KANK1: variants seen among roughly 807,000 people sequenced by gnomAD.
KANK1 encodes the protein KN motif and ankyrin repeat domain-containing protein 1.
Under a neutral mutation model 106.2 loss-of-function variants are expected in KANK1, and 109 were observed. The ratio of observed to expected loss-of-function variants is 1.03; its 90% CI spans 0.88 to 1.20. The LOEUF (loss-of-function observed/expected upper bound fraction) is 1.20. KANK1 is among the 50% of genes most tolerant of loss of function. The pLI, the probability that KANK1 is intolerant of heterozygous loss-of-function variation, is 0.00. For missense variants in KANK1, 2,399 were observed against 1,710.7 expected (o/e 1.40, Z -7.10); for synonymous variants, 873 against 652.2 (o/e 1.34, Z -5.16).
At chr9:488,028 C>G (rs1263935852) in intron 3 of KANK1, among the ~76,000 whole-genome samples, 3 of 152,154 alleles carry the variant, frequency 2.0e-5, no homozygotes, top group Admixed American at 6.5e-5. Flanking sequence ...CAACATAGGC[C>G]CCACCTTCCC....
chr9:619,998 G>T (rs545038375), intron 1 of KANK1, among the ~76,000 whole-genome samples: 3 of 152,202 alleles, frequency 2.0e-5, no homozygotes, highest in African/African-American at 7.2e-5. Flanking sequence ...TTAGCCTAGT[G>T]TGGTGGTGTG....
chr9:644,886 C>G (rs934973920), intron 1 of KANK1, among the ~76,000 whole-genome samples: 2 of 150,590 alleles, frequency 1.3e-5, no homozygotes, highest in Non-Finnish European at 2.9e-5. Flanking sequence ...TTCGGGAGGC[C>G]GAGGTGGGCG....
intron 2 of KANK1, among the ~76,000 whole-genome samples, chr9:471,214 C>A (rs2058014577): frequency 6.6e-6 from 1 of 152,186 alleles, no homozygotes; most frequent in African/African-American, 2.4e-5. Context: ...TTTTTCAGAG[C>A]TGGCGAAGCT....
intron 1 of KANK1, among the ~76,000 whole-genome samples, chr9:517,990 A>C (rs2059366581): frequency 6.6e-6 from 1 of 151,424 alleles, no homozygotes; most frequent in African/African-American, 2.4e-5. Flanking sequence ...CACCTGCCTC[A>C]GCCTTCCAGA....
intron 1 of KANK1, among the ~76,000 whole-genome samples, chr9:505,100 G>C (rs2058686136): frequency 6.6e-6 from 1 of 152,150 alleles, no homozygotes; most frequent in Non-Finnish European, 1.5e-5. Flanking sequence ...CGGGCCGGCC[G>C]GCGGGAGGGT....
intron 1 of KANK1, among the ~76,000 whole-genome samples, chr9:661,969 G>T (rs1185305341): frequency 6.6e-6 from 1 of 152,140 alleles, no homozygotes; most frequent in Admixed American, 6.5e-5. Flanking sequence ...TTTTGATGGG[G>T]TTGTTTGATT....
chr9:478,744 T>C (rs2058151052), intron 3 of KANK1, among the ~76,000 whole-genome samples: 1 of 152,226 alleles, frequency 6.6e-6, no homozygotes, highest in African/African-American at 2.4e-5. Context: ...CCAAAGAGTC[T>C]AAAATACAGT....
At chr9:633,537 A>G (rs972473929) in intron 1 of KANK1, among the ~76,000 whole-genome samples, 4 of 152,158 alleles carry the variant, frequency 2.6e-5, no homozygotes, top group Non-Finnish European at 5.9e-5. Flanking sequence ...CCCTTCTCCC[A>G]AGACTCTTAA....
At chr9:641,690 A>G (rs796225921) in intron 1 of KANK1, among the ~76,000 whole-genome samples, 2 of 152,256 alleles carry the variant, frequency 1.3e-5, no homozygotes, top group African/African-American at 4.8e-5. Flanking sequence ...TTCTCTACCT[A>G]TCTTACATCT....
chr9:616,588 C>G (rs1306871761), intron 1 of KANK1, among the ~76,000 whole-genome samples: 1 of 152,202 alleles, frequency 6.6e-6, no homozygotes, highest in Non-Finnish European at 1.5e-5. Context: ...ATCCTTCCAT[C>G]CAGGCTTGGC....
At chr9:688,291 A>C (rs1170804792) in intron 2 of KANK1, among the ~76,000 whole-genome samples, 1 of 151,968 alleles carries the variant, frequency 6.6e-6, no homozygotes, top group Non-Finnish European at 1.5e-5. Flanking sequence ...TCTCTCCCTC[A>C]CTTGCTCTAA....
At chr9:560,597 G>A (rs1030221536) in intron 1 of KANK1, among the ~76,000 whole-genome samples, 4 of 152,132 alleles carry the variant, frequency 2.6e-5, no homozygotes, top group African/African-American at 7.2e-5. Flanking sequence ...TTTTTAACAT[G>A]CCCATGTTTG....
At chr9:739,826 G>A (rs1834879488) in intron 8 of KANK1, among the ~76,000 whole-genome samples, 1 of 149,912 alleles carries the variant, frequency 6.7e-6, no homozygotes, top group Non-Finnish European at 1.5e-5. Flanking sequence ...GTAGATCTAG[G>A]ATGCTTCAGC....
rs78652864 is a variant in KANK1 at position 553,640 on chromosome 9, A to C, written c.-84+48886A>C. 6.6e-5 allele frequency among the ~76,000 whole-genome samples: 10 copies of C among 152,176 alleles called. 1 individual carries two copies. The highest frequency in any genetic ancestry group is 6.5e-4 in the Admixed American group (10 of 15,274). ...GCAATGTAATGAAGCGTTTCCTTATAAACTGTTGTAAGGATTTTGTTCCAG... is the reference window on the plus strand; with the variant it reads ...GCAATGTAATGAAGCGTTTCCTTATCAACTGTTGTAAGGATTTTGTTCCAG... On this transcript the variant is annotated intron_variant, in intron 1 of 11. Coordinates refer to ENST00000382297, the MANE Select transcript of KANK1 (RefSeq NM_015158.5).
At chr9:582,499 C>G (rs2135336083) in intron 1 of KANK1, among the ~76,000 whole-genome samples, 1 of 152,302 alleles carries the variant, frequency 6.6e-6, no homozygotes, top group South Asian at 2.1e-4. Context: ...ACACTGTGCA[C>G]TTTTGCCCTC....
intron 3 of KANK1, among the ~76,000 whole-genome samples, chr9:474,714 C>G (rs1361048800): frequency 1.3e-5 from 2 of 152,170 alleles, no homozygotes; most frequent in Non-Finnish European, 2.9e-5. Flanking sequence ...TATATTTCTT[C>G]CCTCCTCCCC....
chr9:745,132 C>T (rs780480353), intron 11 of KANK1, 41 bp from the exon 12 acceptor site: 1 of 1,608,298 alleles, frequency 6.2e-7, no homozygotes, highest in South Asian at 1.1e-5. Context: ...TGCCTGAGGT[C>T]ACTTATTAAC....
intron 1 of KANK1, among the ~76,000 whole-genome samples, chr9:514,412 C>T (rs62531462): frequency 5.2e-4 from 78 of 150,326 alleles, no homozygotes; most frequent in Non-Finnish European, 8.2e-4. Flanking sequence ...TCCCTCATCT[C>T]CTTTACCCAA....
chr9:631,022 A>G (rs1383554137), intron 1 of KANK1, among the ~76,000 whole-genome samples: 1 of 152,146 alleles, frequency 6.6e-6, no homozygotes, highest in East Asian at 1.9e-4. Flanking sequence ...GAAAAGGCCA[A>G]GTGAGGGTAT....
Sources: allele counts gnomAD v4.1 joint callset (sites outside exome capture counted in the v4.1 genomes callset), GRCh38; gene constraint gnomAD v4.1.1; transcripts MANE v1.5; gene names NCBI Gene and HGNC (gene_info 2026-07-23, HGNC 2026-07-21).